Variants in EPB41 observed in about 807,000 individuals in gnomAD.
The protein encoded by EPB41 is erythrocyte membrane protein band 4.1.
Under a neutral mutation model 108.0 loss-of-function variants are expected in EPB41, and 65 were observed. The observed-to-expected ratio is 0.60, with a 90% CI of 0.49 to 0.74. The LOEUF (loss-of-function observed/expected upper bound fraction) is 0.74, where lower values mean the gene tolerates loss of function less well. EPB41 is among the 30% of genes least tolerant of loss of function. EPB41 has a pLI of 0.00. For missense variants in EPB41, 875 were observed against 1,037.0 expected, an observed-to-expected ratio of 0.84 and a Z score of 2.15; for synonymous variants, 336 against 358.9, an observed-to-expected ratio of 0.94 and a Z score of 0.72.
intron 2 of EPB41, among the ~76,000 whole-genome samples, chr1:28,991,721 CAAA>C (rs911895312): frequency 7.4e-6 from 1 of 135,090 alleles, no homozygotes; most frequent in Non-Finnish European, 1.6e-5. Context: ...AAAAAAAAAG[CAAA>C]AAAAACAAAT....
chr1:28,983,637 T>C (rs2095806571), intron 1 of EPB41, among the ~76,000 whole-genome samples: 1 of 152,134 alleles, frequency 6.6e-6, no homozygotes, highest in African/African-American at 2.4e-5. Context: ...GGAACTGGAG[T>C]GCACAAGCGC....
rs958042439 is a variant in EPB41, at chr1:29,006,232, G to A, written c.787-5633G>A. On this transcript the variant is annotated intron_variant, in intron 4 of 20. Transcript: ENST00000343067. ...GTAAATCGTACATATACATCCCAAA[G>A]AATTTTTTTTTTTTTTTTTTTTGAG... is the stretch of plus-strand genomic sequence containing the variant. Among the ~76,000 whole-genome samples, 270 of 136,884 alleles carry A rather than the reference G, an allele frequency of 2.0e-3. 1 individual carries two copies. The highest frequency in any genetic ancestry group is 6.1e-3 in the African/African-American group (234 of 38,438). 89.8% of individuals were successfully genotyped at this position (136,884 alleles called of 152,430 possible). A position where few individuals can be genotyped will look rare whatever the true frequency, so the allele number is the denominator to read the frequency against.
chr1:28,972,327 T>C lies in EPB41; in HGVS notation c.-7-15104T>C, dbSNP rs146278737. Among the ~76,000 whole-genome samples the C allele has an allele frequency of 5.3e-5, 8 of 152,358 alleles. No homozygotes were observed. In the East Asian group the frequency reaches 1.5e-3, roughly 29 times the overall value. On this transcript the variant is annotated intron_variant, in intron 1 of 20. Transcript: ENST00000343067. The stretch of plus-strand genomic sequence containing the variant: ...TGATGCTCAGTAATCATTGATCCAG[T>C]AGTGTATTTTCTGGGAGGGCCTGGG...
At chr1:28,921,946 A>ATATATATATATATATATATAT (rs2093111281) in intron 1 of EPB41, among the ~76,000 whole-genome samples, 1 of 119,724 alleles carries the variant, frequency 8.4e-6, no homozygotes, top group African/African-American at 3.3e-5. Context: ...TTTTATATAT[A>ATATATATATATATATATATAT]TATATATATA....
intron 1 of EPB41, among the ~76,000 whole-genome samples, chr1:28,915,578 T>A (rs2092572306): frequency 6.6e-6 from 1 of 152,102 alleles, no homozygotes. Flanking sequence ...GATGGACTGG[T>A]TTCTGGCCAC....
At chr1:28,905,545 G>A (rs1047588307) in intron 1 of EPB41, among the ~76,000 whole-genome samples, 2 of 151,412 alleles carry the variant, frequency 1.3e-5, no homozygotes, top group African/African-American at 4.8e-5. Context: ...TCTCCACCAT[G>A]TAAGGACACA....
chr1:29,045,196 G>A (rs1180906871), intron 11 of EPB41, among the ~76,000 whole-genome samples: 1 of 152,004 alleles, frequency 6.6e-6, no homozygotes, highest in Non-Finnish European at 1.5e-5. Flanking sequence ...GAGATAATTG[G>A]TATTATAATA....
intron 1 of EPB41, among the ~76,000 whole-genome samples, chr1:28,965,408 G>T (rs903068290): frequency 6.6e-6 from 1 of 151,952 alleles, no homozygotes; most frequent in Non-Finnish European, 1.5e-5. Flanking sequence ...CTGATTTCCT[G>T]TTGGGGTTTA....
At chr1:28,905,822 T>TC (rs1339666404) in intron 1 of EPB41, among the ~76,000 whole-genome samples, 16 of 148,358 alleles carry the variant, frequency 1.1e-4, no homozygotes, top group Non-Finnish European at 2.1e-4. Context: ...TTCTTTCTTT[T>TC]TTTTTTTTTT....
chr1:28,900,017 A>T (rs1317601926), intron 1 of EPB41, among the ~76,000 whole-genome samples: 1 of 152,222 alleles, frequency 6.6e-6, no homozygotes, highest in Admixed American at 6.5e-5. Flanking sequence ...AATAATTTGT[A>T]TGAAGTACTC....
intron 1 of EPB41, among the ~76,000 whole-genome samples, chr1:28,891,181 A>G (rs1223350414): frequency 6.6e-6 from 1 of 152,256 alleles, no homozygotes; most frequent in African/African-American, 2.4e-5. Context: ...TCATCTGTAA[A>G]GCATGGACTT....
chr1:29,103,554 A>G (rs1323795259), intron 17 of EPB41, among the ~76,000 whole-genome samples: 1 of 152,228 alleles, frequency 6.6e-6, no homozygotes, highest in Non-Finnish European at 1.5e-5. Flanking sequence ...TTTATTAGCT[A>G]TTCATAATGG....
chr1:28,953,073 AT>A (rs5773226), intron 1 of EPB41, among the ~76,000 whole-genome samples: 50 of 149,134 alleles, frequency 3.4e-4, no homozygotes, highest in Admixed American at 2.7e-4. Context: ...CTCAAATGGA[AT>A]TTTTTTTTTT....
chr1:29,018,177 T>C lies in EPB41; in HGVS notation c.906-47T>C, dbSNP rs1553243273. The C allele has an allele frequency of 6.5e-7, 1 of 1,544,258 alleles. No individual in the cohort carries two copies. Among genetic ancestry groups the C allele is most frequent in the Non-Finnish European group, 8.9e-7 (1 of 1,117,340 alleles). ...TTTTCTCCTTTTTCTCTCTTTATAT[T>C]TTGTTGTTGTTGTTGCTGACATAAC... On this transcript the variant is annotated intron_variant, in intron 6 of 20. Transcript: ENST00000343067. The surrounding 1 kb of genome is among the most constrained non-coding windows in gnomAD (Gnocchi z 4.4).
At chr1:28,934,773 G>T (rs971939494) in intron 1 of EPB41, among the ~76,000 whole-genome samples, 3 of 150,506 alleles carry the variant, frequency 2.0e-5, no homozygotes, top group South Asian at 4.2e-4. Context: ...TTTCCTGCCC[G>T]GCTCCTAGAA....
At chr1:28,887,124 G>A (rs1047878923), upstream of EPB41, 10 of 828,944 alleles carry the variant, frequency 1.2e-5, no homozygotes, top group Admixed American at 1.9e-4. The surrounding 1 kb of genome is among the most constrained non-coding windows in gnomAD (Gnocchi z 4.9). Context: ...AGGCCCCGGC[G>A]GGGCAAAGTG....
chr1:29,114,035 T>C (rs1670074822), intron 19 of EPB41, among the ~76,000 whole-genome samples: 2 of 152,300 alleles, frequency 1.3e-5, no homozygotes, highest in South Asian at 4.1e-4. Context: ...GTGGTAGTTC[T>C]AAGAATGCCA....
chr1:29,003,675 G>T (rs917175164), intron 4 of EPB41, among the ~76,000 whole-genome samples: 1 of 152,160 alleles, frequency 6.6e-6, no homozygotes, highest in Non-Finnish European at 1.5e-5. Context: ...ATTTAGCAGG[G>T]AGGAAAGTTT....
intron 16 of EPB41, among the ~76,000 whole-genome samples, chr1:29,090,345 T>TA (rs1218874150): frequency 1.6e-4 from 24 of 152,190 alleles, no homozygotes; most frequent in African/African-American, 5.5e-4. Flanking sequence ...CTTGATGACA[T>TA]AATCTCTGGG....
Sources: allele counts gnomAD v4.1 joint callset (sites outside exome capture counted in the v4.1 genomes callset), GRCh38; gene constraint gnomAD v4.1.1; non-coding constraint Gnocchi (gnomAD v3.1); transcripts MANE v1.5; gene names NCBI Gene and HGNC (gene_info 2026-07-23, HGNC 2026-07-21).